Variants in NTRK2 observed in about 807,000 individuals in gnomAD.
The protein encoded by NTRK2 is neurotrophic receptor tyrosine kinase 2, also known as BDNF/NT-3 growth factors receptor.
In NTRK2, 13 loss-of-function variants were observed where a neutral mutation model predicts 94.5. The observed-to-expected ratio is 0.14, with a 90% CI of 0.09 to 0.22. The LOEUF is 0.22. NTRK2 is among the 10% of genes least tolerant of loss of function. The pLI, the probability that NTRK2 is intolerant of heterozygous loss-of-function variation, is 1.00. For missense variants in NTRK2, 639 were observed against 1,071.2 expected, an observed-to-expected ratio of 0.60 and a Z score of 5.63; for synonymous variants, 372 against 407.4, an observed-to-expected ratio of 0.91 and a Z score of 1.05.
chr9:84,921,475 A>C (rs2077564591), intron 14 of NTRK2, among the ~76,000 whole-genome samples: 1 of 152,150 alleles, frequency 6.6e-6, no homozygotes, highest in Non-Finnish European at 1.5e-5. Context: ...CAACTCATTG[A>C]TATGGAGGGT....
chr9:84,800,639 G>C (rs76229959), intron 12 of NTRK2, among the ~76,000 whole-genome samples: 7,171 of 152,310 alleles, frequency 0.047, 209 homozygotes, highest in East Asian at 0.14. Flanking sequence ...CTAAAGCCAT[G>C]GAACAGTTCT....
chr9:84,680,955 A>G (rs949906159), intron 2 of NTRK2, among the ~76,000 whole-genome samples: 2 of 151,534 alleles, frequency 1.3e-5, no homozygotes, highest in African/African-American at 2.4e-5. Context: ...TTTTCCCTCT[A>G]TCTCTCTGCA....
At chr9:84,887,543 C>T (rs79470498) in intron 14 of NTRK2, among the ~76,000 whole-genome samples, 3 of 152,146 alleles carry the variant, frequency 2.0e-5, no homozygotes, top group Middle Eastern at 3.2e-3. Context: ...CGGAGAAAAA[C>T]GATGTGAGTT....
chr9:84,808,236 T>TA (rs773864588), intron 12 of NTRK2, among the ~76,000 whole-genome samples: 45 of 152,104 alleles, frequency 3.0e-4, no homozygotes, highest in Non-Finnish European at 5.0e-4. Flanking sequence ...CTGTAATAAT[T>TA]AGTGAGCCTG....
chr9:84,793,032 T>C (rs2068890706), intron 12 of NTRK2, among the ~76,000 whole-genome samples: 1 of 152,140 alleles, frequency 6.6e-6, no homozygotes, highest in East Asian at 1.9e-4. Flanking sequence ...AAAGTTTCAC[T>C]TGCTCAAGGC....
intron 17 of NTRK2, among the ~76,000 whole-genome samples, chr9:85,004,707 A>T (rs1320382344): frequency 1.3e-5 from 2 of 152,198 alleles, no homozygotes; most frequent in African/African-American, 4.8e-5. Flanking sequence ...CTTCAGGGCT[A>T]TGAGATCTTC....
chr9:84,711,045 A>G (rs1477089015), intron 6 of NTRK2, among the ~76,000 whole-genome samples: 3 of 152,090 alleles, frequency 2.0e-5, no homozygotes, highest in Non-Finnish European at 4.4e-5. Flanking sequence ...TCATTTGCTT[A>G]TTTGTTCATA....
At chr9:84,707,715 CT>C (rs767684257) in intron 4 of NTRK2, 128 bp from the exon 5 acceptor site, 1 of 699,240 alleles carries the variant, frequency 1.4e-6, no homozygotes, top group Non-Finnish European at 2.4e-6. Flanking sequence ...AGAGAGAGAT[CT>C]GGATGTAAGT....
chr9:84,814,660 G>T (rs2072192593), intron 12 of NTRK2: 21 of 1,065,284 alleles, frequency 2.0e-5, no homozygotes, highest in Non-Finnish European at 2.4e-5. Flanking sequence ...TTCTCTCTTG[G>T]TTTGAATCTG....
chr9:84,697,259 T>G (rs940506662), intron 2 of NTRK2, among the ~76,000 whole-genome samples: 1 of 151,866 alleles, frequency 6.6e-6, no homozygotes, highest in African/African-American at 2.4e-5. Flanking sequence ...GTGGACCTCG[T>G]GAGATTCCTG....
intron 12 of NTRK2, among the ~76,000 whole-genome samples, chr9:84,821,430 T>C (rs138722656): frequency 1.3e-5 from 2 of 152,320 alleles, no homozygotes; most frequent in Non-Finnish European, 2.9e-5. Context: ...CATTTACCAT[T>C]ATCACCTCCT....
chr9:84,758,211 A>C (rs1401996517), intron 12 of NTRK2, among the ~76,000 whole-genome samples: 1 of 151,914 alleles, frequency 6.6e-6, no homozygotes, highest in Non-Finnish European at 1.5e-5. Flanking sequence ...TCTTTTGGTA[A>C]CCAAAGAGAT....
chr9:84,898,197 T>C (rs564676888), intron 14 of NTRK2, among the ~76,000 whole-genome samples: 1 of 152,312 alleles, frequency 6.6e-6, no homozygotes, highest in Non-Finnish European at 1.5e-5. Flanking sequence ...TAGCAACATC[T>C]GACTTCTGGG....
chr9:84,798,921 T>TATATATATAC (rs2070005218), intron 12 of NTRK2, among the ~76,000 whole-genome samples: 1 of 60,074 alleles, frequency 1.7e-5, no homozygotes. Flanking sequence ...GCTATATATA[T>TATATATATAC]ATATATATAT....
intron 17 of NTRK2, among the ~76,000 whole-genome samples, chr9:84,994,707 T>A (rs1006933319): frequency 8.5e-5 from 13 of 152,216 alleles, no homozygotes; most frequent in African/African-American, 2.9e-4. Context: ...CCCCCTGTTC[T>A]CTAAATAAAA....
Position 85,021,799 on chromosome 9 carries a change from T to G in NTRK2, c.*362T>G. The G allele has an allele frequency of 3.0e-6, 1 of 329,852 alleles. No homozygotes were observed. Among genetic ancestry groups the G allele is most frequent in the Non-Finnish European group, 5.6e-6 (1 of 177,456 alleles). The allele number at this position is 329,852 out of a possible 1,614,324, so 20.4% of individuals were successfully genotyped here. A position where few individuals can be genotyped will look rare whatever the true frequency, so the allele number is the denominator to read the frequency against. On this transcript the variant is annotated 3_prime_UTR_variant, in exon 19 of 19. Transcript: ENST00000277120. ...ATTAACTCTGCATAGACAAAGGCCT[T>G]AACAAACGTAATTTGTTATATCAGC...
At chr9:84,888,985 T>TTTTTTTTTTC (rs2076510317) in intron 14 of NTRK2, among the ~76,000 whole-genome samples, 1 of 103,390 alleles carries the variant, frequency 9.7e-6, no homozygotes, top group African/African-American at 5.0e-5. Context: ...GACAGAAATT[T>TTTTTTTTTTC]TTTTTTTTTT....
At chr9:84,702,449 AG>A (rs1345727740) in intron 4 of NTRK2, 30 bp downstream of exon 4, 1 of 1,578,166 alleles carries the variant, frequency 6.3e-7, no homozygotes. Context: ...TTTGCTTCCC[AG>A]GACCCATTTT....
At chr9:84,750,968 T>A (rs1157350806) in intron 11 of NTRK2, among the ~76,000 whole-genome samples, 2 of 152,226 alleles carry the variant, frequency 1.3e-5, no homozygotes, top group Non-Finnish European at 2.9e-5. Flanking sequence ...TATATCTACA[T>A]CTACCCTCTT....
Sources: gnomAD v4.1 joint callset for allele counts (sites outside exome capture counted in the v4.1 genomes callset) on GRCh38, gnomAD v4.1.1 for gene constraint, MANE v1.5 for transcripts, NCBI Gene and HGNC (gene_info 2026-07-23, HGNC 2026-07-21) for gene names.